The following CHCHD6 variants were observed in gnomAD, a reference collection of about 807,000 sequenced individuals.
The protein encoded by CHCHD6 is coiled-coil-helix-coiled-coil-helix domain containing 6.
In CHCHD6, 28 loss-of-function variants were observed where a neutral mutation model predicts 32.3. The observed-to-expected ratio is 0.87, with a 90% confidence interval of 0.64 to 1.19. CHCHD6 has a LOEUF of 1.19. CHCHD6 is among the 50% of genes most tolerant of loss of function. CHCHD6 has a pLI of 0.00. For synonymous variants in CHCHD6, 122 were observed against 117.5 expected (o/e 1.04, Z -0.25); for missense variants, 333 against 307.0 (o/e 1.08, Z -0.63).
chr3:126,806,970 T>G (rs1282067404), intron 4 of CHCHD6, among the ~76,000 whole-genome samples: 1 of 145,716 alleles, frequency 6.9e-6, no homozygotes, highest in Non-Finnish European at 1.5e-5. Flanking sequence ...ACACCGCATG[T>G]TCTCATTCAT....
In CHCHD6 at chr3:126,852,540, C is replaced by T. The variant is rs532799326; in HGVS notation, c.412-107C>T. 2.0e-5 allele frequency: 15 copies of T among 745,540 alleles called. No homozygotes were observed. The South Asian group carries it at 2.2e-4, about 11-fold the overall frequency. The allele number at this position is 745,540 out of a possible 1,614,324, so 46.2% of individuals were successfully genotyped here. A position where few individuals can be genotyped will look rare whatever the true frequency, so the allele number is the denominator to read the frequency against. ...TAAGGTTTTCAACTCATTATTGCTA[C>T]TGTTCTCATTGTGAATGTGAGCAGA... On this transcript the variant is annotated intron_variant, in intron 4 of 7. Coordinates refer to ENST00000290913, the MANE Select transcript of CHCHD6 (RefSeq NM_032343.3).
chr3:126,945,153 C>T (rs2078616897), intron 6 of CHCHD6, among the ~76,000 whole-genome samples: 6 of 151,986 alleles, frequency 3.9e-5, no homozygotes, highest in Admixed American at 3.9e-4. Context: ...CTCAGGGCAG[C>T]AGAGCAGGCA....
chr3:126,720,835 G>A (rs1382105443), intron 1 of CHCHD6, among the ~76,000 whole-genome samples: 1 of 152,130 alleles, frequency 6.6e-6, no homozygotes, highest in Non-Finnish European at 1.5e-5. Flanking sequence ...GCTTACTGGG[G>A]ACTTGGGGCT....
chr3:126,902,103 C>T (rs373014559), intron 5 of CHCHD6, among the ~76,000 whole-genome samples: 6 of 152,220 alleles, frequency 3.9e-5, no homozygotes, highest in East Asian at 1.9e-4. Context: ...CTTACAACAA[C>T]GATTCTCAAC....
At chr3:126,907,803 A>G (rs1489630809) in intron 5 of CHCHD6, among the ~76,000 whole-genome samples, 1 of 152,168 alleles carries the variant, frequency 6.6e-6, no homozygotes, top group Non-Finnish European at 1.5e-5. Flanking sequence ...GGGCAGCAGG[A>G]TCCTGGGCTG....
chr3:126,921,899 A>G (rs906957769), intron 6 of CHCHD6, among the ~76,000 whole-genome samples: 12 of 152,220 alleles, frequency 7.9e-5, no homozygotes, highest in African/African-American at 2.9e-4. Context: ...ACCTATTAAA[A>G]CAGTGGTCAT....
At chr3:126,764,162 T>TAC (rs1288031148) in intron 4 of CHCHD6, among the ~76,000 whole-genome samples, 1 of 147,078 alleles carries the variant, frequency 6.8e-6, no homozygotes, top group South Asian at 2.1e-4. Context: ...AATATATATA[T>TAC]ACACACACAT....
chr3:126,914,454 C>T (rs1048677409), intron 5 of CHCHD6, among the ~76,000 whole-genome samples: 1 of 152,222 alleles, frequency 6.6e-6, no homozygotes, highest in Admixed American at 6.5e-5. Context: ...CTGCCAACCC[C>T]TGAGCTAGAG....
At chr3:126,736,907 G>A (rs1016313605) in intron 4 of CHCHD6, among the ~76,000 whole-genome samples, 1 of 152,160 alleles carries the variant, frequency 6.6e-6, no homozygotes, top group African/African-American at 2.4e-5. Context: ...TCAAATGGAT[G>A]GAGTAATCAA....
chr3:126,751,562 T>C (rs935430312), intron 4 of CHCHD6, among the ~76,000 whole-genome samples: 4 of 150,730 alleles, frequency 2.7e-5, no homozygotes, highest in Non-Finnish European at 5.9e-5. Flanking sequence ...TATCTTATCC[T>C]CTAGGGTAGC....
chr3:126,916,487 A>G (rs924155572), intron 6 of CHCHD6, among the ~76,000 whole-genome samples: 4 of 152,144 alleles, frequency 2.6e-5, no homozygotes, highest in African/African-American at 9.7e-5. Flanking sequence ...AGAATCTTCC[A>G]AAAGGCAGAT....
chr3:126,868,274 G>GC (rs1449489621), intron 5 of CHCHD6, among the ~76,000 whole-genome samples: 2 of 152,226 alleles, frequency 1.3e-5, no homozygotes, highest in Non-Finnish European at 2.9e-5. Flanking sequence ...CAGAGCCTGG[G>GC]CTGAGGTGGA....
At chr3:126,864,579 T>C (rs1282401760) in intron 5 of CHCHD6, among the ~76,000 whole-genome samples, 739 of 59,394 alleles carry the variant, frequency 0.012, no homozygotes, top group Middle Eastern at 0.092. Flanking sequence ...ACCACCTCCT[T>C]CTCCACCTCC....
At chr3:126,811,154 A>AT (rs1939638706) in intron 4 of CHCHD6, among the ~76,000 whole-genome samples, 3 of 152,254 alleles carry the variant, frequency 2.0e-5, no homozygotes, top group Non-Finnish European at 4.4e-5. Flanking sequence ...TGTGTGGCTT[A>AT]TTTTTTATGA....
At chr3:126,722,394 C>G (rs1201547198) in intron 1 of CHCHD6, among the ~76,000 whole-genome samples, 1 of 152,200 alleles carries the variant, frequency 6.6e-6, no homozygotes, top group Non-Finnish European at 1.5e-5. Flanking sequence ...AACTCCTGGT[C>G]TCAAGTGATC....
At chr3:126,928,600 TTTTG>T (rs766844839) in intron 6 of CHCHD6, among the ~76,000 whole-genome samples, 1 of 152,122 alleles carries the variant, frequency 6.6e-6, no homozygotes, top group Non-Finnish European at 1.5e-5. Context: ...TGGTCACTGG[TTTTG>T]TTTGTTTGTT....
intron 4 of CHCHD6, among the ~76,000 whole-genome samples, chr3:126,758,126 T>A (rs889202352): frequency 3.3e-5 from 5 of 152,244 alleles, no homozygotes; most frequent in Non-Finnish European, 7.3e-5. Flanking sequence ...CACTGCCAGC[T>A]GCTCCATGTC....
chr3:126,710,801 T>A (rs1240289646), intron 1 of CHCHD6, among the ~76,000 whole-genome samples: 1 of 152,198 alleles, frequency 6.6e-6, no homozygotes, highest in Non-Finnish European at 1.5e-5. Flanking sequence ...CTCGTTAGGC[T>A]CATTTATTAG....
At chr3:126,928,208 T>C (rs955193769) in intron 6 of CHCHD6, among the ~76,000 whole-genome samples, 1 of 152,236 alleles carries the variant, frequency 6.6e-6, no homozygotes, top group Non-Finnish European at 1.5e-5. Context: ...TGGTTCTTAT[T>C]GGACCAGGGT....
Sources: allele counts gnomAD v4.1 joint callset (sites outside exome capture counted in the v4.1 genomes callset), GRCh38; gene constraint gnomAD v4.1.1; transcripts MANE v1.5; gene names NCBI Gene and HGNC (gene_info 2026-07-23, HGNC 2026-07-21).